Variants in FBXO21 observed in about 807,000 individuals in gnomAD.
FBXO21 encodes F-box protein 21, also known as F-box only protein 21.
A neutral mutation model predicts 76.6 loss-of-function variants in FBXO21; 32 were observed. That is an observed-to-expected ratio of 0.42 (90% confidence interval 0.32 to 0.56). The LOEUF (loss-of-function observed/expected upper bound fraction) is 0.56. Among genes scored for constraint, FBXO21 ranks in the 20% least tolerant of loss-of-function variants. The probability of loss-of-function intolerance (pLI) is 0.16; values close to 1 mark genes in which losing one functional copy is unlikely to be tolerated. For synonymous variants in FBXO21, 328 were observed against 311.5 expected (o/e 1.05, Z -0.56); for missense variants, 586 against 797.3 (o/e 0.73, Z 3.19).
Position 117,145,820 on chromosome 12 carries a change from C to T in FBXO21, c.*267G>A, listed in dbSNP as rs937282797. On this transcript the variant is annotated 3_prime_UTR_variant, in exon 12 of 12. Transcript: ENST00000622495. Reference sequence around the variant, plus strand: ...CCTCATGAAGACAGAATGTCACAAACTGTCACCACAGGACAAGCATACAAG... The same window carrying T: ...CCTCATGAAGACAGAATGTCACAAATTGTCACCACAGGACAAGCATACAAG... The T allele has an allele frequency of 6.7e-6, 2 of 298,412 alleles. No homozygotes were observed. Among genetic ancestry groups the T allele is most frequent in the African/African-American group, 4.3e-5 (2 of 46,336 alleles). 18.5% of individuals were successfully genotyped at this position (298,412 alleles called of 1,614,324 possible).
At chr12:117,166,532 C>T (rs934321780) in intron 8 of FBXO21, among the ~76,000 whole-genome samples, 1 of 152,206 alleles carries the variant, frequency 6.6e-6, no homozygotes, top group Non-Finnish European at 1.5e-5. Flanking sequence ...AAAAAGAATT[C>T]TGTCATTAGA....
chr12:117,173,442 C>T (rs990978213), intron 6 of FBXO21, among the ~76,000 whole-genome samples: 6 of 151,958 alleles, frequency 3.9e-5, no homozygotes, highest in Admixed American at 6.6e-5. Flanking sequence ...AAAGTGTGTA[C>T]GATATAACAA....
At chr12:117,176,700 G>C (rs1377290436) in intron 4 of FBXO21, among the ~76,000 whole-genome samples, 1 of 152,136 alleles carries the variant, frequency 6.6e-6, no homozygotes, top group African/African-American at 2.4e-5. Flanking sequence ...AAGCCAGCCA[G>C]GTGTGGTGGC....
chr12:117,174,650 C>A lies in FBXO21; in HGVS notation c.739+1G>T. ...CAGCTGGATCCAAAGCAATGCCACA[C>A]CTGCCTTGAAGGCCAAGCTGGGGTG... is the stretch of plus-strand genomic sequence containing the variant. On this transcript the variant is annotated splice_donor_variant, in intron 5 of 11. Transcript: ENST00000622495. LOFTEE classifies it high-confidence loss of function. 6.2e-7 allele frequency: 1 copy of A among 1,613,966 alleles called. No individual in the cohort carries two copies. The highest frequency in any genetic ancestry group is 8.5e-7 in the Non-Finnish European group (1 of 1,179,936).
chr12:117,162,695 C>T (rs1486439947), intron 9 of FBXO21, among the ~76,000 whole-genome samples: 5 of 152,204 alleles, frequency 3.3e-5, no homozygotes, highest in African/African-American at 1.2e-4. Flanking sequence ...GAATGTCTCC[C>T]TTTCACTTGA....
intron 11 of FBXO21, among the ~76,000 whole-genome samples, chr12:117,150,356 A>G (rs1955823501): frequency 6.6e-6 from 1 of 152,110 alleles, no homozygotes; most frequent in Non-Finnish European, 1.5e-5. Context: ...TGGAAACACT[A>G]CCCATGAGTC....
At chr12:117,160,896 A>C (rs971434843) in intron 9 of FBXO21, among the ~76,000 whole-genome samples, 2 of 152,134 alleles carry the variant, frequency 1.3e-5, no homozygotes, top group Non-Finnish European at 2.9e-5. Flanking sequence ...TGCCACCCCA[A>C]GTGCTGGGAT....
chr12:117,169,576 T>C (rs1956096224), intron 7 of FBXO21, among the ~76,000 whole-genome samples: 1 of 151,664 alleles, frequency 6.6e-6, no homozygotes, highest in Non-Finnish European at 1.5e-5. Flanking sequence ...AAAAAAAAAA[T>C]CAAATGCCTA....
chr12:117,158,453 TG>T (rs1243581683), intron 9 of FBXO21, among the ~76,000 whole-genome samples: 2 of 152,268 alleles, frequency 1.3e-5, no homozygotes, highest in East Asian at 3.9e-4. Flanking sequence ...GCATGGGAAA[TG>T]TGAGAATCCA....
intron 9 of FBXO21, among the ~76,000 whole-genome samples, chr12:117,165,011 G>C (rs947284753): frequency 9.9e-5 from 15 of 152,220 alleles, no homozygotes; most frequent in Admixed American, 7.2e-4. Flanking sequence ...AAGTGAAACA[G>C]TGTCAAAATT....
chr12:117,145,581 C>T lies in FBXO21; in HGVS notation c.*506G>A, dbSNP rs997091179. The T allele has an allele frequency of 1.3e-5, 2 of 152,192 alleles. No individual in the cohort carries two copies. Among genetic ancestry groups the T allele is most frequent in the African/African-American group, 4.8e-5 (2 of 41,418 alleles). 9.4% of individuals were successfully genotyped at this position (152,192 alleles called of 1,614,324 possible). On this transcript the variant is annotated 3_prime_UTR_variant, in exon 12 of 12. Transcript: ENST00000622495. ...TCTCTAAGATGCTGCCAAGATAGCACACAACTTTACCTCTGAATATGCAAC... is the reference window on the plus strand; with the variant it reads ...TCTCTAAGATGCTGCCAAGATAGCATACAACTTTACCTCTGAATATGCAAC...
intron 3 of FBXO21, among the ~76,000 whole-genome samples, chr12:117,181,599 GTCT>G (rs59209946): frequency 0.11 from 15,296 of 145,510 alleles, 920 homozygotes; most frequent in African/African-American, 0.17. Flanking sequence ...ATCTGAGACA[GTCT>G]ATCTATCTAT....
intron 4 of FBXO21, among the ~76,000 whole-genome samples, chr12:117,175,499 CTTAAA>C (rs748942940): frequency 5.3e-5 from 8 of 152,208 alleles, no homozygotes; most frequent in Non-Finnish European, 1.2e-4. Flanking sequence ...CTCGAGTCAC[CTTAAA>C]TTAAAGAGAT....
rs113955663 is a variant in FBXO21 at position 117,145,269 on chromosome 12, A to G, written c.*818T>C. The G allele has an allele frequency of 4.0e-4, 61 of 152,222 alleles. No homozygotes were observed. The highest frequency in any genetic ancestry group is 1.4e-3 in the African/African-American group (57 of 41,558). The allele number at this position is 152,222 out of a possible 1,614,324, so 9.4% of individuals were successfully genotyped here. ...CTGAAGTAGATTTTTTAAATTAAAA[A>G]ATAAAAGTAGTCATTTAAAATGGAG... On this transcript the variant is annotated 3_prime_UTR_variant, in exon 12 of 12. Transcript: ENST00000622495.
chr12:117,164,280 T>C (rs1464009592), intron 9 of FBXO21, among the ~76,000 whole-genome samples: 2 of 100,222 alleles, frequency 2.0e-5, no homozygotes, highest in African/African-American at 3.0e-5. Flanking sequence ...TTTTCTTTTT[T>C]TTTTTTTTTT....
chr12:117,159,639 G>A (rs1166715837), intron 9 of FBXO21, among the ~76,000 whole-genome samples: 2 of 152,106 alleles, frequency 1.3e-5, no homozygotes, highest in African/African-American at 4.8e-5. Context: ...TGGGACACTC[G>A]CAGATTTACC....
intron 3 of FBXO21, among the ~76,000 whole-genome samples, chr12:117,182,562 A>ATTTTT (rs1162348126): frequency 1.2e-5 from 1 of 81,302 alleles, no homozygotes; most frequent in Non-Finnish European, 2.4e-5. Context: ...CAGCAAGAGG[A>ATTTTT]TCTTTTTTTT....
At chr12:117,155,991 C>CG in intron 10 of FBXO21, 43 bp from the exon 11 acceptor site, 5 of 1,595,478 alleles carry the variant, frequency 3.1e-6, no homozygotes, top group Non-Finnish European at 3.4e-6. Flanking sequence ...CAGACCCGGC[C>CG]GCAACAACCT....
intron 11 of FBXO21, among the ~76,000 whole-genome samples, chr12:117,147,800 T>A (rs1955793959): frequency 6.6e-6 from 1 of 152,032 alleles, no homozygotes; most frequent in Non-Finnish European, 1.5e-5. Context: ...AGCTATGCCC[T>A]CCATGACCTG....
Sources: gnomAD v4.1 joint callset for allele counts (sites outside exome capture counted in the v4.1 genomes callset) on GRCh38, gnomAD v4.1.1 for gene constraint, MANE v1.5 for transcripts, NCBI Gene and HGNC (gene_info 2026-07-23, HGNC 2026-07-21) for gene names.